Variants in CCNE2 observed in about 807,000 individuals in gnomAD.
The protein encoded by CCNE2 is G1/S-specific cyclin-E2.
A neutral mutation model predicts 56.8 loss-of-function variants in CCNE2; 18 were observed. The observed-to-expected ratio is 0.32, with a 90% CI of 0.22 to 0.47. The LOEUF is 0.47. CCNE2 is among the 20% of genes least tolerant of loss of function. CCNE2 has a pLI of 1.00. For missense variants in CCNE2, 371 were observed against 467.1 expected (o/e 0.79, Z 1.90); for synonymous variants, 139 against 149.2 (o/e 0.93, Z 0.50).
intron 7 of CCNE2, among the ~76,000 whole-genome samples, chr8:94,887,602 T>C (rs1018349653): frequency 6.6e-5 from 10 of 152,220 alleles, no homozygotes; most frequent in African/African-American, 2.4e-4. Context: ...TCAAAGGTCA[T>C]TCTGTTGAAT....
chr8:94,885,990 A>AT (rs1817024627), intron 7 of CCNE2, among the ~76,000 whole-genome samples: 1 of 152,138 alleles, frequency 6.6e-6, no homozygotes, highest in Non-Finnish European at 1.5e-5. Flanking sequence ...AAGTGCTGGG[A>AT]TTAACCACTG....
intron 7 of CCNE2, 117 bp from the exon 8 acceptor site, chr8:94,885,675 G>A: frequency 2.2e-6 from 1 of 459,496 alleles, no homozygotes; most frequent in Non-Finnish European, 3.9e-6. Flanking sequence ...AGTAGAAAGT[G>A]CATTTTCATT....
At position 94,883,906 on chromosome 8, in the gene CCNE2, A is replaced by G. The variant is rs377509472; in HGVS notation, c.832-1014T>C. ...TGTCCTCATTGGTCCAGAAGGTAGGAGAAATGGGAGAAGAGCTGGGAATTG... is the reference window on the plus strand; with the variant it reads ...TGTCCTCATTGGTCCAGAAGGTAGGGGAAATGGGAGAAGAGCTGGGAATTG... On this transcript the variant is annotated intron_variant, in intron 9 of 11. Coordinates refer to ENST00000308108, the MANE Select transcript of CCNE2 (RefSeq NM_057749.3). 81 of 456,260 alleles carry G rather than the reference A, an allele frequency of 1.8e-4. 1 individual carries two copies. The East Asian group carries it at 2.4e-3, about 14-fold the overall frequency. The allele number at this position is 456,260 out of a possible 1,614,324, so 28.3% of individuals were successfully genotyped here.
chr8:94,890,589 ATATTTTTTTT>A (rs1817198244), intron 5 of CCNE2, 39 bp from the exon 6 acceptor site: 1 of 520,752 alleles, frequency 1.9e-6, no homozygotes, highest in African/African-American at 4.1e-5. Flanking sequence ...ATATATATAT[ATATTTTTTTT>A]TTTTTTTTTT....
intron 7 of CCNE2, among the ~76,000 whole-genome samples, 169 bp from the exon 8 acceptor site, chr8:94,885,727 C>CTTTTTTTTT (rs747420459): frequency 7.0e-5 from 8 of 114,168 alleles, no homozygotes; most frequent in Non-Finnish European, 1.1e-4. Context: ...CATTTTCTTT[C>CTTTTTTTTT]TTTTTTTTTT....
intron 9 of CCNE2, chr8:94,884,009 C>G (rs1816934495): frequency 2.3e-6 from 1 of 435,230 alleles, no homozygotes; most frequent in Admixed American, 2.4e-5. Context: ...CCATCACTAT[C>G]AGAAGGGTAT....
At chr8:94,891,765 C>A in intron 5 of CCNE2, 1 of 1,282,328 alleles carries the variant, frequency 7.8e-7, no homozygotes, top group Non-Finnish European at 1.1e-6. Context: ...GTAGGTGTAC[C>A]CAGGCCAAGC....
At chr8:94,886,199 CACTA>C (rs1817032948) in intron 7 of CCNE2, among the ~76,000 whole-genome samples, 1 of 152,070 alleles carries the variant, frequency 6.6e-6, no homozygotes, top group African/African-American at 2.4e-5. Context: ...AGGACAGCTT[CACTA>C]ACTATAAATC....
At chr8:94,885,590 T>C (rs1377007335) in intron 7 of CCNE2, 32 bp from the exon 8 acceptor site, 3 of 1,305,100 alleles carry the variant, frequency 2.3e-6, no homozygotes, top group African/African-American at 3.0e-5. Flanking sequence ...TTGAGTACAA[T>C]TGAGATAGAA....
At chr8:94,891,689 AGTATTTTT>A in intron 5 of CCNE2, 4 of 610,564 alleles carry the variant, frequency 6.6e-6, no homozygotes, top group Non-Finnish European at 8.5e-6. Flanking sequence ...AACACCATGA[AGTATTTTT>A]AAAATGTCAC....
At chr8:94,881,780 A>C in intron 11 of CCNE2, 35 bp from the exon 12 acceptor site, 1 of 1,610,766 alleles carries the variant, frequency 6.2e-7, no homozygotes, top group African/African-American at 1.3e-5. Context: ...CTGATTTCAT[A>C]AATCAAAGTC....
Position 94,892,943 on chromosome 8 carries a change from C to T in CCNE2, c.192G>A (p.Gly64=). 2.0e-6 allele frequency: 3 copies of T among 1,536,902 alleles called. No homozygotes were observed. The highest frequency in any genetic ancestry group is 2.6e-5 in the South Asian group (2 of 76,018). ...CAATGATAATGCAAGGACTGATCCC[C>T]CCAGATAATACAGGTGGCCAACAAT... ...IRNCWPPVLS[G]GISPCIIIET... The change falls in exon 5 of 12, where the codon GGG becomes GGA. Residue 64 remains glycine, a synonymous_variant. Coordinates refer to ENST00000308108, the MANE Select transcript of CCNE2 (RefSeq NM_057749.3).
At chr8:94,893,858 C>G in intron 4 of CCNE2, 33 bp downstream of exon 4, 3 of 1,575,290 alleles carry the variant, frequency 1.9e-6, no homozygotes, top group Admixed American at 1.7e-5. Context: ...CTCCATTTTT[C>G]CCCCAAACCC....
Position 94,881,089 on chromosome 8 carries a change from A to G in CCNE2, c.*543T>C. The G allele has an allele frequency of 2.5e-6, 1 of 397,484 alleles. No homozygotes were observed. Among genetic ancestry groups the G allele is most frequent in the Admixed American group, 4.4e-5 (1 of 22,728 alleles). 24.6% of individuals were successfully genotyped at this position (397,484 alleles called of 1,614,324 possible). The stretch of plus-strand genomic sequence containing the variant: ...CACCATTTGTAGAAATTCAAGTTTT[A>G]TAATAGCTTGCTATAGCAGCTATAG... On this transcript the variant is annotated 3_prime_UTR_variant, in exon 12 of 12. Transcript: ENST00000308108.
At chr8:94,896,236 C>A (rs2131140567), upstream of CCNE2, among the ~76,000 whole-genome samples, 1 of 148,908 alleles carries the variant, frequency 6.7e-6, no homozygotes, top group East Asian at 2.0e-4. Flanking sequence ...ATCGCCACCA[C>A]GTGCAGGCCC....
At chr8:94,881,809 CTT>C in intron 11 of CCNE2, 64 bp from the exon 12 acceptor site, 1 of 1,593,874 alleles carries the variant, frequency 6.3e-7, no homozygotes, top group South Asian at 1.1e-5. Flanking sequence ...CTTCTGGGTA[CTT>C]ATTTGAGATT....
At position 94,881,573 on chromosome 8, in the gene CCNE2, A is replaced by G. The variant is rs1420160569; in HGVS notation, c.*59T>C. On this transcript the variant is annotated 3_prime_UTR_variant, in exon 12 of 12. Transcript: ENST00000308108. ...ACTTTCTGTAAAACTTTAGTAGTTC[A>G]GTGATACCAGTTCTACCCAATCTTG... 11 of 1,556,654 alleles carry G rather than the reference A, an allele frequency of 7.1e-6. No homozygotes were observed. In the East Asian group the frequency reaches 2.5e-4, roughly 35 times the overall value.
chr8:94,896,184 G>A (rs965061008), upstream of CCNE2, among the ~76,000 whole-genome samples: 62 of 151,514 alleles, frequency 4.1e-4, no homozygotes, highest in African/African-American at 1.4e-3. Context: ...TCCTCCCCCT[G>A]AGCGCGGTGG....
In CCNE2 at chr8:94,894,231, T is replaced by C; in HGVS notation, c.-10A>G. ...ACCTTCGTCTTGACATTCTCTTCTTTCAGGTGTATAAAACCTCTGAAGGGG... is the reference window on the plus strand; with the variant it reads ...ACCTTCGTCTTGACATTCTCTTCTTCCAGGTGTATAAAACCTCTGAAGGGG... On this transcript the variant is annotated 5_prime_UTR_variant, in exon 2 of 12. Coordinates refer to ENST00000308108, the MANE Select transcript of CCNE2 (RefSeq NM_057749.3). The C allele has an allele frequency of 6.2e-7, 1 of 1,614,008 alleles. No individual in the cohort carries two copies. Among genetic ancestry groups the C allele is most frequent in the Non-Finnish European group, 8.5e-7 (1 of 1,180,008 alleles).
Sources: gnomAD v4.1 joint callset for allele counts (sites outside exome capture counted in the v4.1 genomes callset) on GRCh38, gnomAD v4.1.1 for gene constraint, MANE v1.5 for transcripts, NCBI Gene and HGNC (gene_info 2026-07-23, HGNC 2026-07-21) for gene names.